KHDRBS2: variants seen among roughly 807,000 people sequenced by gnomAD.
The protein encoded by KHDRBS2 is KH RNA binding domain containing, signal transduction associated 2, also known as KH domain-containing, RNA-binding, signal transduction-associated protein 2.
In KHDRBS2, 26 loss-of-function variants were observed where a neutral mutation model predicts 44.3. The ratio of observed to expected loss-of-function variants is 0.59; its 90% CI spans 0.43 to 0.81. KHDRBS2 has a LOEUF of 0.81. Among genes scored for constraint, KHDRBS2 ranks in the 40% least tolerant of loss-of-function variants. The pLI is 0.00. For missense variants in KHDRBS2, 476 were observed against 433.1 expected, an observed-to-expected ratio of 1.10 and a Z score of -0.88; for synonymous variants, 194 against 151.1, an observed-to-expected ratio of 1.28 and a Z score of -2.08.
the KHDRBS2 span, among the ~76,000 whole-genome samples, chr6:61,615,677 C>G: frequency 6.6e-6 from 1 of 152,124 alleles, no homozygotes; most frequent in African/African-American, 2.4e-5. Context: ...TGAGTGCCAA[C>G]ATGACGTTCA....
chr6:61,596,216 G>A, the KHDRBS2 span, among the ~76,000 whole-genome samples: 1 of 152,130 alleles, frequency 6.6e-6, no homozygotes, highest in Non-Finnish European at 1.5e-5. Flanking sequence ...AGCCCTTACA[G>A]CTTCAGCTTA....
chr6:62,250,998 A>G (rs915896599), intron 1 of KHDRBS2, among the ~76,000 whole-genome samples: 3 of 151,986 alleles, frequency 2.0e-5, no homozygotes, highest in Non-Finnish European at 4.4e-5. Context: ...TAATGATACA[A>G]TCTTATTAAG....
At chr6:61,604,040 T>G in the KHDRBS2 span, among the ~76,000 whole-genome samples, 1 of 152,138 alleles carries the variant, frequency 6.6e-6, no homozygotes, top group African/African-American at 2.4e-5. Context: ...CTCCACTACC[T>G]CTCAACCAGC....
At chr6:62,157,287 AC>A (rs767507084) in intron 2 of KHDRBS2, among the ~76,000 whole-genome samples, 6 of 151,808 alleles carry the variant, frequency 4.0e-5, no homozygotes, top group Non-Finnish European at 8.8e-5. Flanking sequence ...AGATAGCGCC[AC>A]TGCACTGCAG....
At chr6:62,268,023 T>G (rs1839482275) in intron 1 of KHDRBS2, among the ~76,000 whole-genome samples, 1 of 152,092 alleles carries the variant, frequency 6.6e-6, no homozygotes, top group Non-Finnish European at 1.5e-5. Context: ...ATTTTTCTTT[T>G]CTCATAAATT....
At chr6:62,060,264 T>A (rs953873217) in intron 2 of KHDRBS2, among the ~76,000 whole-genome samples, 1 of 151,740 alleles carries the variant, frequency 6.6e-6, no homozygotes, top group African/African-American at 2.4e-5. Context: ...GTAGTTCAAT[T>A]GAAGGGTTTG....
At chr6:61,713,392 T>C (rs950576236) in intron 7 of KHDRBS2, among the ~76,000 whole-genome samples, 20 of 151,786 alleles carry the variant, frequency 1.3e-4, no homozygotes, top group African/African-American at 4.8e-4. Context: ...TTTTCCCAGA[T>C]AAATTTGATT....
intron 1 of KHDRBS2, among the ~76,000 whole-genome samples, chr6:62,241,972 C>T (rs1834755799): frequency 1.3e-5 from 2 of 152,182 alleles, no homozygotes; most frequent in South Asian, 4.1e-4. Flanking sequence ...ATTTCAACAT[C>T]AGGAAGTTTA....
At chr6:61,613,494 C>T in the KHDRBS2 span, among the ~76,000 whole-genome samples, 1 of 152,106 alleles carries the variant, frequency 6.6e-6, no homozygotes, top group African/African-American at 2.4e-5. Context: ...AAATCACATC[C>T]TAATTATTAT....
chr6:61,644,408 T>C, the KHDRBS2 span, among the ~76,000 whole-genome samples: 1 of 152,084 alleles, frequency 6.6e-6, no homozygotes, highest in Non-Finnish European at 1.5e-5. Context: ...AAACATTTCA[T>C]GAAAAAGACC....
At chr6:61,843,360 T>C (rs942845425) in intron 6 of KHDRBS2, among the ~76,000 whole-genome samples, 33 of 148,558 alleles carry the variant, frequency 2.2e-4, no homozygotes, top group African/African-American at 8.1e-4. Context: ...ATTATTATTA[T>C]TATTATTATT....
At chr6:61,745,703 A>C (rs1176624700) in intron 6 of KHDRBS2, among the ~76,000 whole-genome samples, 1 of 152,184 alleles carries the variant, frequency 6.6e-6, no homozygotes, top group Non-Finnish European at 1.5e-5. Context: ...GGGCATAGAC[A>C]TATCTTACTA....
At chr6:61,733,628 C>T (rs183094315) in intron 6 of KHDRBS2, among the ~76,000 whole-genome samples, 3 of 151,658 alleles carry the variant, frequency 2.0e-5, no homozygotes, top group East Asian at 1.9e-4. Context: ...ACTTTGTGTA[C>T]ATTATATGAT....
intron 6 of KHDRBS2, among the ~76,000 whole-genome samples, chr6:61,820,320 G>A (rs1472779378): frequency 6.6e-6 from 1 of 151,994 alleles, no homozygotes; most frequent in Non-Finnish European, 1.5e-5. Flanking sequence ...GATGCGTTTT[G>A]TAAGTGTAAC....
intron 7 of KHDRBS2, among the ~76,000 whole-genome samples, chr6:61,698,509 A>T (rs1768178717): frequency 6.6e-6 from 1 of 152,110 alleles, no homozygotes; most frequent in Non-Finnish European, 1.5e-5. Flanking sequence ...TATCCTTCTA[A>T]GTGGTTTCTA....
At chr6:61,988,367 G>A (rs1775467353) in intron 3 of KHDRBS2, among the ~76,000 whole-genome samples, 1 of 152,178 alleles carries the variant, frequency 6.6e-6, no homozygotes, top group Non-Finnish European at 1.5e-5. Flanking sequence ...ATTAATTAGT[G>A]TACTCACAAA....
the KHDRBS2 span, among the ~76,000 whole-genome samples, chr6:61,642,241 A>G: frequency 2.0e-5 from 3 of 152,096 alleles, no homozygotes; most frequent in African/African-American, 7.2e-5. Context: ...AAGATAGGTC[A>G]TTCACTTTTT....
At chr6:61,599,373 G>A in the KHDRBS2 span, among the ~76,000 whole-genome samples, 1 of 152,148 alleles carries the variant, frequency 6.6e-6, no homozygotes, top group Non-Finnish European at 1.5e-5. Context: ...CAATGAGCCT[G>A]TTTTCATACA....
intron 7 of KHDRBS2, among the ~76,000 whole-genome samples, chr6:61,711,114 A>G (rs1347674461): frequency 6.6e-6 from 1 of 151,584 alleles, no homozygotes; most frequent in Non-Finnish European, 1.5e-5. Context: ...TGTTGAATAA[A>G]TGAATGAGTA....
Sources: gnomAD v4.1 joint callset for allele counts (sites outside exome capture counted in the v4.1 genomes callset) on GRCh38, gnomAD v4.1.1 for gene constraint, MANE v1.5 for transcripts, NCBI Gene and HGNC (gene_info 2026-07-23, HGNC 2026-07-21) for gene names.